The following SNX4 variants were observed in gnomAD, a reference collection of about 807,000 sequenced individuals.
The protein encoded by SNX4 is sorting nexin-4.
SNX4 carries 49 observed loss-of-function variants against 70.8 expected under a neutral mutation model. The observed-to-expected ratio is 0.69, with a 90% confidence interval of 0.55 to 0.88. The LOEUF is 0.88. Ranked by LOEUF, SNX4 falls within the 40% of genes least tolerant of loss-of-function variation. SNX4 has a pLI of 0.00. For synonymous variants in SNX4, 206 were observed against 183.8 expected, an observed-to-expected ratio of 1.12 and a Z score of -0.98; for missense variants, 528 against 544.8, an observed-to-expected ratio of 0.97 and a Z score of 0.31.
chr3:125,506,503 G>A (rs1935046087), intron 1 of SNX4, among the ~76,000 whole-genome samples: 1 of 138,314 alleles, frequency 7.2e-6, no homozygotes, highest in African/African-American at 2.7e-5. Context: ...ACCATACCAG[G>A]CTAATTTTTT....
At chr3:125,492,050 G>A (rs1189816240) in intron 5 of SNX4, among the ~76,000 whole-genome samples, 2 of 139,268 alleles carry the variant, frequency 1.4e-5, no homozygotes, top group East Asian at 2.2e-4. Flanking sequence ...AGAGTTTGCA[G>A]TGAGCCGAGA....
intron 13 of SNX4, among the ~76,000 whole-genome samples, 195 bp from the exon 14 acceptor site, chr3:125,448,021 G>A (rs981641878): frequency 1.3e-5 from 2 of 151,972 alleles, no homozygotes; most frequent in African/African-American, 2.4e-5. Context: ...TCTCTAATAC[G>A]AACTTATCTT....
At chr3:125,506,103 T>A (rs1935036882) in intron 1 of SNX4, among the ~76,000 whole-genome samples, 1 of 151,846 alleles carries the variant, frequency 6.6e-6, no homozygotes, top group Non-Finnish European at 1.5e-5. Context: ...AATTAAAAAA[T>A]AAATAAATAA....
intron 13 of SNX4, among the ~76,000 whole-genome samples, chr3:125,450,198 A>G (rs1933539913): frequency 6.6e-6 from 1 of 152,192 alleles, no homozygotes; most frequent in Non-Finnish European, 1.5e-5. Context: ...CCAAACTACA[A>G]CATACTCAAC....
intron 2 of SNX4, 124 bp downstream of exon 2, chr3:125,504,499 A>G: frequency 1.0e-6 from 1 of 953,776 alleles, no homozygotes; most frequent in Non-Finnish European, 1.5e-6. Context: ...AAAGTAAAGA[A>G]ACAAAGTCAA....
chr3:125,485,452 C>T (rs1934501216), intron 6 of SNX4, among the ~76,000 whole-genome samples: 1 of 152,034 alleles, frequency 6.6e-6, no homozygotes, highest in Non-Finnish European at 1.5e-5. Context: ...CATGTGCCAC[C>T]ATGCCTGGCT....
At chr3:125,448,820 C>T (rs1035926357) in intron 13 of SNX4, among the ~76,000 whole-genome samples, 19 of 151,516 alleles carry the variant, frequency 1.3e-4, no homozygotes, top group African/African-American at 3.4e-4. Context: ...GGACTACAGG[C>T]GCCTGCCACC....
intron 1 of SNX4, 107 bp downstream of exon 1, chr3:125,519,925 G>C (rs1230603185): frequency 9.2e-7 from 1 of 1,088,486 alleles, no homozygotes; most frequent in Admixed American, 4.4e-5. Flanking sequence ...GGGCCTCCTC[G>C]GCCGAGCCCA....
intron 1 of SNX4, among the ~76,000 whole-genome samples, chr3:125,516,058 TAGTCA>T (rs1935272570): frequency 6.6e-6 from 1 of 152,200 alleles, no homozygotes; most frequent in South Asian, 2.1e-4. Context: ...TCAGTGAAGG[TAGTCA>T]ATGTGCACGG....
intron 5 of SNX4, among the ~76,000 whole-genome samples, chr3:125,492,107 CAAAAAAAAA>C (rs60558490): frequency 2.1e-3 from 99 of 47,410 alleles, no homozygotes; most frequent in African/African-American, 6.2e-3. Flanking sequence ...GACTCCATCT[CAAAAAAAAA>C]AAAAAAAAAA....
intron 5 of SNX4, among the ~76,000 whole-genome samples, chr3:125,493,751 C>T (rs541692200): frequency 6.6e-6 from 1 of 150,540 alleles, no homozygotes; most frequent in Admixed American, 6.6e-5. Flanking sequence ...ATATTGCCAG[C>T]CAGGCAACAG....
intron 6 of SNX4, among the ~76,000 whole-genome samples, chr3:125,487,995 G>A (rs1934568833): frequency 1.3e-5 from 2 of 151,898 alleles, no homozygotes. Flanking sequence ...TTCAATGTAG[G>A]TTCATCAACT....
At chr3:125,518,134 T>C (rs776377680) in intron 1 of SNX4, among the ~76,000 whole-genome samples, 1 of 152,130 alleles carries the variant, frequency 6.6e-6, no homozygotes, top group Non-Finnish European at 1.5e-5. Context: ...CATAAACAGA[T>C]TTTATATTCT....
intron 4 of SNX4, 28 bp downstream of exon 4, chr3:125,497,806 T>C: frequency 6.8e-7 from 1 of 1,475,440 alleles, no homozygotes; most frequent in African/African-American, 1.4e-5. Context: ...AATGAATATT[T>C]TACTAAGACT....
At chr3:125,489,494 A>G in intron 5 of SNX4, 31 bp from the exon 6 acceptor site, 2 of 1,562,318 alleles carry the variant, frequency 1.3e-6, no homozygotes, top group Non-Finnish European at 1.8e-6. Flanking sequence ...ACTTAATACA[A>G]TTACATTTCA....
At chr3:125,492,323 T>G (rs957916136) in intron 5 of SNX4, among the ~76,000 whole-genome samples, 2 of 152,062 alleles carry the variant, frequency 1.3e-5, no homozygotes, top group Non-Finnish European at 2.9e-5. Flanking sequence ...AGGTTTCTTA[T>G]CATCACTAAT....
At chr3:125,502,640 G>A (rs1265389343) in intron 2 of SNX4, among the ~76,000 whole-genome samples, 1 of 151,780 alleles carries the variant, frequency 6.6e-6, no homozygotes, top group Non-Finnish European at 1.5e-5. Flanking sequence ...GGAGGCCGAG[G>A]TGGGTGGATC....
chr3:125,483,610 C>G (rs1934463195), intron 6 of SNX4, among the ~76,000 whole-genome samples: 1 of 152,202 alleles, frequency 6.6e-6, no homozygotes, highest in South Asian at 2.1e-4. Context: ...GTTTGATTAA[C>G]ACATTGGTAC....
intron 2 of SNX4, among the ~76,000 whole-genome samples, chr3:125,501,978 C>T (rs9863658): frequency 0.33 from 50,607 of 152,020 alleles, 8,704 homozygotes; most frequent in Admixed American, 0.45. Context: ...AAGTCAAGTA[C>T]AAACATTATT....
Sources: allele counts gnomAD v4.1 joint callset (sites outside exome capture counted in the v4.1 genomes callset), GRCh38; gene constraint gnomAD v4.1.1; transcripts MANE v1.5; gene names NCBI Gene and HGNC (gene_info 2026-07-23, HGNC 2026-07-21).